Variants in SPATA12 observed in about 807,000 individuals in gnomAD.
SPATA12 encodes the protein spermatogenesis-associated protein 12.
For missense variants in SPATA12, 219 were observed against 226.4 expected (o/e 0.97, Z 0.21); for synonymous variants, 85 against 89.2 (o/e 0.95, Z 0.26).
At position 57,073,934 on chromosome 3, in the gene SPATA12, G is replaced by A; in HGVS notation, c.240G>A (p.Glu80=). 6.2e-7 allele frequency: 1 copy of A among 1,614,202 alleles called. No individual in the cohort carries two copies. Among genetic ancestry groups the A allele is most frequent in the Non-Finnish European group, 8.5e-7 (1 of 1,180,034 alleles). The part of the protein sequence containing the change: ...LTFQGDVCQS[E]TCQRYLQAAI... ...TTCAGGGGGATGTGTGCCAAAGTGA[G>A]ACCTGTCAGAGATATTTACAAGCAG... Residue 80 remains glutamate, a synonymous_variant, in exon 2 of 2, where the codon GAG becomes GAA. Coordinates refer to ENST00000334325, the MANE Select transcript of SPATA12 (RefSeq NM_181727.2).
Position 57,073,776 on chromosome 3 carries a change from A to G in SPATA12, c.82A>G (p.Arg28Gly), listed in dbSNP as rs748735296. The G allele has an allele frequency of 1.9e-6, 3 of 1,614,244 alleles. No individual in the cohort carries two copies. Among genetic ancestry groups the G allele is most frequent in the South Asian group, 2.2e-5 (2 of 91,088 alleles). ...TWEMKALDSS[R>G]LVPWPPRGLG... ...GGAAATGAAGGCACTAGACTCTTCC[A>G]GACTCGTTCCATGGCCACCCAGAGG... Residue 28 changes from arginine (R) to glycine (G), a missense_variant, in exon 2 of 2, where the codon AGA (arginine) becomes GGA (glycine). Physicochemically the swap from Arg to Gly is moderately radical, Grantham distance 125. Transcript: ENST00000334325.
At position 57,075,074 on chromosome 3, in the gene SPATA12, CCAT is replaced by C. The variant is rs2107422280; in HGVS notation, c.*808_*810del. The C allele has an allele frequency of 6.0e-6, 1 of 167,210 alleles. No homozygotes were observed. Among genetic ancestry groups the C allele is most frequent in the South Asian group, 2.1e-4 (1 of 4,806 alleles). The allele number at this position is 167,210 out of a possible 1,614,324, so 10.4% of individuals were successfully genotyped here. A position where few individuals can be genotyped will look rare whatever the true frequency, so the allele number is the denominator to read the frequency against. On this transcript the variant is annotated 3_prime_UTR_variant, in exon 2 of 2. Coordinates refer to ENST00000334325, the MANE Select transcript of SPATA12 (RefSeq NM_181727.2). ...GGGAGTTTGACCACAACATTGGGCT[CCAT>C]ATGCATGGAATGAGGTTGCATGCAA... is the stretch of plus-strand genomic sequence containing the variant.
intron 1 of SPATA12, among the ~76,000 whole-genome samples, chr3:57,067,694 G>A (rs1340440446): frequency 6.7e-6 from 1 of 150,102 alleles, no homozygotes; most frequent in Non-Finnish European, 1.5e-5. Flanking sequence ...AAATTAGCCG[G>A]CGTGAGACCA....
At chr3:57,065,551 G>A (rs189237929) in intron 1 of SPATA12, among the ~76,000 whole-genome samples, 11 of 152,240 alleles carry the variant, frequency 7.2e-5, no homozygotes, top group East Asian at 5.8e-4. Flanking sequence ...CTGCACTACC[G>A]TATGCATGTG....
At chr3:57,064,042 G>A (rs1381790420) in intron 1 of SPATA12, among the ~76,000 whole-genome samples, 2 of 152,180 alleles carry the variant, frequency 1.3e-5, no homozygotes, top group African/African-American at 2.4e-5. Flanking sequence ...CCAGGGAGGG[G>A]GACTGCCTGA....
intron 1 of SPATA12, among the ~76,000 whole-genome samples, chr3:57,066,621 T>C (rs1705554747): frequency 6.6e-6 from 1 of 152,234 alleles, no homozygotes; most frequent in African/African-American, 2.4e-5. Flanking sequence ...ACTGTGATGA[T>C]TAATTTTATG....
intron 1 of SPATA12, among the ~76,000 whole-genome samples, chr3:57,062,063 G>T (rs1705250221): frequency 6.6e-6 from 1 of 152,120 alleles, no homozygotes; most frequent in Non-Finnish European, 1.5e-5. Context: ...GTGGGGCAGG[G>T]ATGCTCCACT....
chr3:57,069,818 A>G (rs1201702363), intron 1 of SPATA12, among the ~76,000 whole-genome samples: 1 of 152,100 alleles, frequency 6.6e-6, no homozygotes, highest in African/African-American at 2.4e-5. Flanking sequence ...CTAATTTTTA[A>G]TTGTTTTATA....
At chr3:57,064,433 C>A (rs1234580083) in intron 1 of SPATA12, among the ~76,000 whole-genome samples, 1 of 151,998 alleles carries the variant, frequency 6.6e-6, no homozygotes, top group Non-Finnish European at 1.5e-5. Context: ...AAGTGATCCT[C>A]CCATCTCAGC....
At chr3:57,072,737 A>AAT (rs1315574916) in intron 1 of SPATA12, among the ~76,000 whole-genome samples, 2 of 150,602 alleles carry the variant, frequency 1.3e-5, no homozygotes, top group East Asian at 4.0e-4. Context: ...AAAAAAAAAA[A>AAT]AAAAAAGAAT....
In SPATA12 at chr3:57,074,065, A is replaced by G. The variant is rs746023639; in HGVS notation, c.371A>G (p.Asn124Ser). Residue 124 changes from asparagine (N) to serine (S), a missense_variant, in exon 2 of 2, where the codon AAC (asparagine) becomes AGC (serine). Asn to Ser is a conservative substitution (Grantham distance 46). Transcript: ENST00000334325. Reference protein sequence around the residue: ...QQGSCEQVIHNSTPQFLGMED... With the variant: ...QQGSCEQVIHSSTPQFLGMED... Reference sequence around the variant, plus strand: ...GGCAGTTGTGAGCAAGTTATTCATAACTCTACACCTCAATTTCTTGGTATG... The same window carrying G: ...GGCAGTTGTGAGCAAGTTATTCATAGCTCTACACCTCAATTTCTTGGTATG... 5.0e-6 allele frequency: 8 copies of G among 1,613,990 alleles called. No individual in the cohort carries two copies. The highest frequency in any genetic ancestry group is 6.8e-6 in the Non-Finnish European group (8 of 1,180,006).
chr3:57,073,546 G>C lies in SPATA12; in HGVS notation c.-149G>C, dbSNP rs1270428699. ...GTTTGGCTCTGTTTGAGCACCCCGG[G>C]ATGATTGGTGGTGGGGTGTGGCTGA... On this transcript the variant is annotated 5_prime_UTR_variant, in exon 2 of 2. Coordinates refer to ENST00000334325, the MANE Select transcript of SPATA12 (RefSeq NM_181727.2). 9 of 1,336,448 alleles carry C rather than the reference G, an allele frequency of 6.7e-6. No individual in the cohort carries two copies. Among genetic ancestry groups the C allele is most frequent in the Non-Finnish European group, 8.9e-6 (9 of 1,008,946 alleles). 82.8% of individuals were successfully genotyped at this position (1,336,448 alleles called of 1,614,324 possible).
At position 57,073,928 on chromosome 3, in the gene SPATA12, A is replaced by C. The variant is rs140586852; in HGVS notation, c.234A>C (p.Gln78His). The change falls in exon 2 of 2, where the codon CAA becomes CAC. Residue 78 changes from glutamine to histidine, a missense_variant. Physicochemically the swap from Gln to His is conservative, Grantham distance 24. Coordinates refer to ENST00000334325, the MANE Select transcript of SPATA12 (RefSeq NM_181727.2). The stretch of plus-strand genomic sequence containing the variant: ...TGACATTTCAGGGGGATGTGTGCCA[A>C]AGTGAGACCTGTCAGAGATATTTAC... Reference protein sequence around the residue: ...PELTFQGDVCQSETCQRYLQA... With the variant: ...PELTFQGDVCHSETCQRYLQA... 1.9e-5 allele frequency: 31 copies of C among 1,614,054 alleles called. No homozygotes were observed. Among genetic ancestry groups the C allele is most frequent in the Non-Finnish European group, 2.5e-5 (29 of 1,180,030 alleles).
At position 57,073,544 on chromosome 3, in the gene SPATA12, G is replaced by A. The variant is rs144737201; in HGVS notation, c.-151G>A. 1.4e-5 allele frequency: 19 copies of A among 1,325,816 alleles called. No homozygotes were observed. In the East Asian group the frequency reaches 2.3e-4, roughly 16 times the overall value. The allele number at this position is 1,325,816 out of a possible 1,614,324, so 82.1% of individuals were successfully genotyped here. ...GGGTTTGGCTCTGTTTGAGCACCCCGGGATGATTGGTGGTGGGGTGTGGCT... is the reference window on the plus strand; with the variant it reads ...GGGTTTGGCTCTGTTTGAGCACCCCAGGATGATTGGTGGTGGGGTGTGGCT... On this transcript the variant is annotated 5_prime_UTR_variant, in exon 2 of 2. Transcript: ENST00000334325.
chr3:57,072,726 CAA>C (rs11332171), intron 1 of SPATA12, among the ~76,000 whole-genome samples: 1,570 of 112,122 alleles, frequency 0.014, 14 homozygotes, highest in Non-Finnish European at 0.02. Context: ...GAGACTCTGT[CAA>C]AAAAAAAAAA....
chr3:57,067,649 A>G (rs1303389851), intron 1 of SPATA12, among the ~76,000 whole-genome samples: 1 of 150,864 alleles, frequency 6.6e-6, no homozygotes, highest in Non-Finnish European at 1.5e-5. Flanking sequence ...AGCCTGGGTA[A>G]TACAGAGAGA....
chr3:57,063,956 AT>A (rs1272257815), intron 1 of SPATA12, among the ~76,000 whole-genome samples: 1 of 152,224 alleles, frequency 6.6e-6, no homozygotes, highest in East Asian at 1.9e-4. Flanking sequence ...ATTGAATAAT[AT>A]TCTGCCTTAA....
At position 57,073,993 on chromosome 3, in the gene SPATA12, ATCT is replaced by A. The variant is rs750806507; in HGVS notation, c.303_305del (p.Leu102del). On this transcript the variant is annotated inframe_deletion, in exon 2 of 2. Coordinates refer to ENST00000334325, the MANE Select transcript of SPATA12 (RefSeq NM_181727.2). ...CTTGACATCGCTGTATCCCAAATAA[ATCT>A]TCTGGGAAGACCCTCTTCACCTCCA... 1.6e-5 allele frequency: 26 copies of A among 1,614,228 alleles called. 1 individual carries two copies. Among genetic ancestry groups the A allele is most frequent in the South Asian group, 1.5e-4 (14 of 91,078 alleles).
Position 57,074,066 on chromosome 3 carries a change from C to T in SPATA12, c.372C>T (p.Asn124=). Residue 124 remains asparagine (N), a synonymous_variant, in exon 2 of 2, where the codon AAC becomes AAT. Transcript: ENST00000334325. ...GCAGTTGTGAGCAAGTTATTCATAA[C>T]TCTACACCTCAATTTCTTGGTATGG... ...QQGSCEQVIH[N]STPQFLGMED... is the part of the protein sequence containing the mutation. 6.2e-7 allele frequency: 1 copy of T among 1,614,148 alleles called. No homozygotes were observed. The highest frequency in any genetic ancestry group is 8.5e-7 in the Non-Finnish European group (1 of 1,179,990).
Sources: gnomAD v4.1 joint callset for allele counts (sites outside exome capture counted in the v4.1 genomes callset) on GRCh38, gnomAD v4.1.1 for gene constraint, MANE v1.5 for transcripts, NCBI Gene and HGNC (gene_info 2026-07-23, HGNC 2026-07-21) for gene names.